USH2A: variants seen among roughly 807,000 people sequenced by gnomAD.
USH2A encodes usherin.
Under a neutral mutation model 538.9 loss-of-function variants are expected in USH2A, and 443 were observed. The ratio of observed to expected loss-of-function variants is 0.82; its 90% CI spans 0.76 to 0.89. The LOEUF is 0.89. Ranked by LOEUF, USH2A falls within the 40% of genes least tolerant of loss-of-function variation. The probability of loss-of-function intolerance (pLI) is 0.00; values close to 1 mark genes in which losing one functional copy is unlikely to be tolerated. For synonymous variants in USH2A, 2,413 were observed against 2,273.5 expected (o/e 1.06, Z -1.75); for missense variants, 6,633 against 6,324.8 (o/e 1.05, Z -1.65).
intron 9 of USH2A, among the ~76,000 whole-genome samples, chr1:216,320,948 T>C (rs1217755714): frequency 6.6e-6 from 1 of 152,110 alleles, no homozygotes; most frequent in Non-Finnish European, 1.5e-5. Context: ...GTCATTAATT[T>C]CCTTCATAGC....
chr1:215,640,262 A>G (rs936860773), intron 68 of USH2A, among the ~76,000 whole-genome samples: 1 of 152,092 alleles, frequency 6.6e-6, no homozygotes, highest in Non-Finnish European at 1.5e-5. Context: ...TATGGGTGCT[A>G]TTTCTTTTGT....
At chr1:216,112,833 A>G (rs2032908036) in intron 21 of USH2A, among the ~76,000 whole-genome samples, 1 of 151,028 alleles carries the variant, frequency 6.6e-6, no homozygotes, top group Non-Finnish European at 1.5e-5. Flanking sequence ...TATGTACCAC[A>G]TTTTCTTTAT....
chr1:215,715,863 C>A (rs2102702270), intron 61 of USH2A, among the ~76,000 whole-genome samples: 1 of 152,310 alleles, frequency 6.6e-6, no homozygotes, highest in South Asian at 2.1e-4. Context: ...AAGGCAGGAG[C>A]AATTTTTATT....
intron 61 of USH2A, among the ~76,000 whole-genome samples, chr1:215,726,332 A>G (rs1659816935): frequency 6.6e-6 from 1 of 152,202 alleles, no homozygotes; most frequent in Non-Finnish European, 1.5e-5. Flanking sequence ...ACTCTAGTAC[A>G]TAATTTACTA....
chr1:215,635,643 C>T (rs1656457794), intron 69 of USH2A, among the ~76,000 whole-genome samples: 1 of 151,766 alleles, frequency 6.6e-6, no homozygotes, highest in Non-Finnish European at 1.5e-5. Flanking sequence ...GCAACCTCTG[C>T]CTCTTGGGTT....
chr1:216,207,363 G>A lies in USH2A; in HGVS notation c.3226C>T (p.Pro1076Ser), dbSNP rs139089840. The A allele has an allele frequency of 2.1e-4, 343 of 1,614,042 alleles. No homozygotes were observed. Among genetic ancestry groups the A allele is most frequent in the Non-Finnish European group, 2.8e-4 (332 of 1,179,966 alleles). Residue 1076 changes from proline (P) to serine (S), a missense_variant, in exon 16 of 72, where the codon CCA becomes TCA. Physicochemically the swap from Pro to Ser is moderately conservative, Grantham distance 74. Transcript: ENST00000307340. ...CAGTGGGCATTTGGAGAATCAGGTG[G>A]ACTCCAGGAGAGATTGATAGCAGAA... ...SSSAINLSWS[P>S]PDSPNAHWLT...
chr1:216,325,303 A>G lies in USH2A; in HGVS notation c.1143+2T>C, dbSNP rs2102655666. 1 of 1,613,572 alleles carries G rather than the reference A, an allele frequency of 6.2e-7. No homozygotes were observed. Among genetic ancestry groups the G allele is most frequent in the East Asian group, 2.2e-5 (1 of 44,822 alleles). ...AATGTACACCTTATCGTTTCTCATT[A>G]CCTGATACTGTCCATTTTCCAAATC... On this transcript the variant is annotated splice_donor_variant, in intron 6 of 71. Transcript: ENST00000307340. LOFTEE classifies it high-confidence loss of function.
At chr1:216,310,270 C>T (rs1454465657) in intron 9 of USH2A, among the ~76,000 whole-genome samples, 1 of 151,918 alleles carries the variant, frequency 6.6e-6, no homozygotes, top group Non-Finnish European at 1.5e-5. Flanking sequence ...TACATGGTTC[C>T]ATTTTCTTTC....
intron 44 of USH2A, 91 bp from the exon 45 acceptor site, chr1:215,846,124 A>T: frequency 1.5e-6 from 2 of 1,317,648 alleles, no homozygotes; most frequent in Non-Finnish European, 2.1e-6. Context: ...GAATGAGAAA[A>T]AAAGAAGTTT....
intron 57 of USH2A, 105 bp from the exon 58 acceptor site, chr1:215,758,857 A>T: frequency 1.6e-6 from 2 of 1,272,776 alleles, no homozygotes; most frequent in Non-Finnish European, 2.2e-6. Flanking sequence ...TTTGTGACAA[A>T]TTGCAAACTC....
At chr1:215,956,442 T>C (rs1209446953) in intron 37 of USH2A, among the ~76,000 whole-genome samples, 1 of 152,178 alleles carries the variant, frequency 6.6e-6, no homozygotes, top group Non-Finnish European at 1.5e-5. Flanking sequence ...ATGCAAAGCC[T>C]TCCAAAGCCA....
chr1:216,268,089 C>T (rs1391623410), intron 11 of USH2A, among the ~76,000 whole-genome samples: 2 of 152,046 alleles, frequency 1.3e-5, no homozygotes, highest in African/African-American at 4.8e-5. Flanking sequence ...ACGTCTCTAA[C>T]ATAAAAGGGA....
At chr1:215,805,648 CT>C (rs1199216640) in intron 49 of USH2A, among the ~76,000 whole-genome samples, 5 of 152,122 alleles carry the variant, frequency 3.3e-5, no homozygotes, top group African/African-American at 9.6e-5. Context: ...AAATCCATGC[CT>C]GGCTTCAGAG....
chr1:215,679,651 C>T (rs1658159134), intron 62 of USH2A, among the ~76,000 whole-genome samples: 1 of 152,198 alleles, frequency 6.6e-6, no homozygotes, highest in East Asian at 1.9e-4. Context: ...TTTCTCACGG[C>T]TACATACAGA....
chr1:216,001,019 C>T (rs1242434230), intron 32 of USH2A, among the ~76,000 whole-genome samples: 2 of 152,134 alleles, frequency 1.3e-5, no homozygotes, highest in East Asian at 1.9e-4. Context: ...TCCTGTCCAC[C>T]ACCTGACTAT....
At chr1:215,766,915 C>G in intron 55 of USH2A, 127 bp from the exon 56 acceptor site, 1 of 913,840 alleles carries the variant, frequency 1.1e-6, no homozygotes, top group East Asian at 2.6e-5. Flanking sequence ...CTCTAAAACA[C>G]TCTTTAAAGA....
At chr1:215,908,903 C>T (rs1260607275) in intron 38 of USH2A, among the ~76,000 whole-genome samples, 2 of 151,006 alleles carry the variant, frequency 1.3e-5, no homozygotes, top group African/African-American at 4.9e-5. Flanking sequence ...TTTATACTAC[C>T]ATCACTAAGA....
chr1:216,344,448 CA>C (rs1374828160), intron 4 of USH2A, among the ~76,000 whole-genome samples: 1 of 152,094 alleles, frequency 6.6e-6, no homozygotes, highest in African/African-American at 2.4e-5. Context: ...CTTAAAGCAA[CA>C]TTTAATATCC....
intron 30 of USH2A, among the ~76,000 whole-genome samples, chr1:216,059,186 A>G (rs910595211): frequency 3.3e-5 from 5 of 152,188 alleles, no homozygotes; most frequent in South Asian, 2.1e-4. Context: ...ATATACATAC[A>G]TATATAGAGT....
Sources: gnomAD v4.1 joint callset for allele counts (sites outside exome capture counted in the v4.1 genomes callset) on GRCh38, gnomAD v4.1.1 for gene constraint, MANE v1.5 for transcripts, NCBI Gene and HGNC (gene_info 2026-07-23, HGNC 2026-07-21) for gene names.